SCN9A: variants seen among roughly 807,000 people sequenced by gnomAD.
SCN9A encodes sodium voltage-gated channel alpha subunit 9, also known as sodium channel protein type 9 subunit alpha.
Under a neutral mutation model 187.0 loss-of-function variants are expected in SCN9A, and 131 were observed. That is an observed-to-expected ratio of 0.70 (90% CI 0.61 to 0.81). SCN9A has a LOEUF of 0.81. Ranked by LOEUF, SCN9A falls within the 30% of genes least tolerant of loss-of-function variation. The pLI is 0.00. For missense variants in SCN9A, 2,252 were observed against 2,396.6 expected, an observed-to-expected ratio of 0.94 and a Z score of 1.26; for synonymous variants, 809 against 808.6, an observed-to-expected ratio of 1.00 and a Z score of -0.01.
chr2:166,329,721 C>A (rs1461938945), intron 1 of SCN9A, among the ~76,000 whole-genome samples: 1 of 152,142 alleles, frequency 6.6e-6, no homozygotes, highest in Non-Finnish European at 1.5e-5. Flanking sequence ...AATTACAACA[C>A]ACCTACTATA....
intron 1 of SCN9A, among the ~76,000 whole-genome samples, chr2:166,343,234 G>C (rs995693717): frequency 4.6e-5 from 7 of 151,896 alleles, no homozygotes; most frequent in Admixed American, 2.0e-4. Flanking sequence ...TCTAATCAAT[G>C]TTTTATTTCA....
intron 24 of SCN9A, among the ~76,000 whole-genome samples, chr2:166,219,124 G>A (rs1406584921): frequency 6.6e-6 from 1 of 152,170 alleles, no homozygotes; most frequent in Non-Finnish European, 1.5e-5. Flanking sequence ...TGATGGGAGT[G>A]TAAATTAATT....
intron 24 of SCN9A, among the ~76,000 whole-genome samples, chr2:166,223,032 A>G (rs1574748766): frequency 7.6e-6 from 1 of 131,392 alleles, no homozygotes; most frequent in Admixed American, 7.6e-5. Flanking sequence ...CTATTACCAA[A>G]ACAAAAACAA....
intron 24 of SCN9A, among the ~76,000 whole-genome samples, chr2:166,215,905 G>C (rs942288388): frequency 6.6e-6 from 1 of 151,796 alleles, no homozygotes; most frequent in Non-Finnish European, 1.5e-5. Flanking sequence ...GTATTATACT[G>C]ATATGAAAAC....
intron 24 of SCN9A, among the ~76,000 whole-genome samples, chr2:166,207,358 A>G (rs527442255): frequency 6.6e-6 from 1 of 152,104 alleles, no homozygotes; most frequent in East Asian, 1.9e-4. Context: ...GAAGCTTCCC[A>G]TTATATTGAA....
intron 20 of SCN9A, among the ~76,000 whole-genome samples, chr2:166,236,822 T>C (rs1199386313): frequency 1.3e-5 from 2 of 152,232 alleles, no homozygotes; most frequent in African/African-American, 4.8e-5. Context: ...GATTTTACTA[T>C]GTATGATCAT....
intron 1 of SCN9A, among the ~76,000 whole-genome samples, chr2:166,327,845 TCC>T (rs1381077113): frequency 6.6e-6 from 1 of 152,210 alleles, no homozygotes; most frequent in African/African-American, 2.4e-5. Flanking sequence ...AGGATAACTC[TCC>T]CCAGACCTCT....
Position 166,251,835 on chromosome 2 carries a change from C to A in SCN9A, c.3402G>T (p.Leu1134Phe), listed in dbSNP as rs200160858. The A allele has an allele frequency of 5.4e-4, 870 of 1,612,628 alleles. 1 individual carries two copies. Among genetic ancestry groups the A allele is most frequent in the Non-Finnish European group, 6.4e-4 (753 of 1,179,102 alleles). Residue 1134 changes from leucine to phenylalanine, a missense_variant, in exon 18 of 27, where the codon TTG becomes TTT. Leu to Phe is a conservative substitution (Grantham distance 22, BLOSUM62 0). Around this residue, in one of 7 missense-constraint regions of SCN9A, gnomAD observed 313 missense variants for 295.3 expected, o/e 1.06. Transcript: ENST00000642356. ...SSECSTVDNP[L>F]PGEGEEAEAE... ...CCTCTGCTTCTTCTCCTTCTCCAGG[C>A]AAAGGGTTATCAACTGTGCTGCACT...
Position 166,277,458 on chromosome 2 carries a change from TC to T in SCN9A, c.2518-120del, listed in dbSNP as rs746367032. 5.4e-4 allele frequency: 340 copies of T among 624,094 alleles called. 2 individuals are homozygous for T. The highest frequency in any genetic ancestry group is 1.2e-3 in the Admixed American group (41 of 33,352). The allele number at this position is 624,094 out of a possible 1,614,324, so 38.7% of individuals were successfully genotyped here. A position where few individuals can be genotyped will look rare whatever the true frequency, so the allele number is the denominator to read the frequency against. The stretch of plus-strand genomic sequence containing the variant: ...AAGTCCTATAATATTGTCATTATTA[TC>T]CAGCTAAAATATTCTTATTTTTCAT... On this transcript the variant is annotated intron_variant, in intron 15 of 26. Coordinates refer to ENST00000642356, the MANE Select transcript of SCN9A (RefSeq NM_001365536.1).
At chr2:166,250,938 T>G (rs1454870047) in intron 18 of SCN9A, among the ~76,000 whole-genome samples, 1 of 151,872 alleles carries the variant, frequency 6.6e-6, no homozygotes, top group Non-Finnish European at 1.5e-5. Flanking sequence ...AGGTAGATCA[T>G]GAAGTTACTA....
At chr2:166,223,098 C>T (rs988816087) in intron 24 of SCN9A, among the ~76,000 whole-genome samples, 8 of 151,866 alleles carry the variant, frequency 5.3e-5, no homozygotes, top group African/African-American at 1.9e-4. Context: ...GAAATTAGAA[C>T]CTTTGTACAT....
intron 1 of SCN9A, among the ~76,000 whole-genome samples, chr2:166,373,085 G>A (rs887944003): frequency 2.0e-5 from 3 of 152,140 alleles, no homozygotes; most frequent in Non-Finnish European, 4.4e-5. Context: ...TAGAGTTCAG[G>A]CATTGGGAAC....
At chr2:166,263,070 C>T (rs1219736935) in intron 17 of SCN9A, among the ~76,000 whole-genome samples, 1 of 152,006 alleles carries the variant, frequency 6.6e-6, no homozygotes, top group South Asian at 2.1e-4. Context: ...CAAGGTTATA[C>T]CCTTCTCCCC....
At chr2:166,274,424 T>C (rs1391085820) in intron 16 of SCN9A, among the ~76,000 whole-genome samples, 1 of 152,124 alleles carries the variant, frequency 6.6e-6, no homozygotes, top group Non-Finnish European at 1.5e-5. Flanking sequence ...TAAAACTTAT[T>C]TTTCCAAATG....
chr2:166,284,974 G>A, intron 11 of SCN9A, 150 bp from the exon 12 acceptor site: 1 of 796,158 alleles, frequency 1.3e-6, no homozygotes, highest in Non-Finnish European at 1.9e-6. Flanking sequence ...AATTCAGTGA[G>A]AAGAAAACTT....
rs200945460 is a variant in SCN9A at position 166,280,508 on chromosome 2, A to G, written c.2192T>C (p.Ile731Thr). 5 of 1,589,396 alleles carry G rather than the reference A, an allele frequency of 3.1e-6. No individual in the cohort carries two copies. The highest frequency in any genetic ancestry group is 4.3e-6 in the Non-Finnish European group (5 of 1,165,772). ...AAAATAGATACACTTTTTGAATTTT[A>G]TCCAATATGGAGAGCAATTCCAGAT... ...FLIWNCSPYWIKFKKCIYFIV... is the reference protein window; with the variant it reads ...FLIWNCSPYWTKFKKCIYFIV... Residue 731 changes from isoleucine to threonine, a missense_variant, in exon 14 of 27, where the codon ATA becomes ACA. Transcript: ENST00000642356.
intron 9 of SCN9A, 40 bp from the exon 10 acceptor site, chr2:166,288,683 T>C (rs775832942): frequency 2.7e-6 from 4 of 1,462,010 alleles, no homozygotes; most frequent in South Asian, 2.8e-5. Flanking sequence ...CAATAAAAAG[T>C]TTTTTTAGTA....
At chr2:166,325,098 C>T (rs55754250) in intron 1 of SCN9A, among the ~76,000 whole-genome samples, 11,378 of 152,020 alleles carry the variant, frequency 0.075, 679 homozygotes, top group East Asian at 0.19. Flanking sequence ...ACCATTTTTC[C>T]ATAAATCTAT....
At chr2:166,364,530 C>T (rs371731981) in intron 1 of SCN9A, among the ~76,000 whole-genome samples, 20 of 152,070 alleles carry the variant, frequency 1.3e-4, no homozygotes, top group African/African-American at 3.1e-4. Flanking sequence ...TATGCTACGA[C>T]CCGGATGAAC....
Sources: allele counts gnomAD v4.1 joint callset (sites outside exome capture counted in the v4.1 genomes callset), GRCh38; gene constraint gnomAD v4.1.1; regional missense constraint gnomAD v4.1.1; transcripts MANE v1.5; gene names NCBI Gene and HGNC (gene_info 2026-07-23, HGNC 2026-07-21).